Variants in TMEM132C observed in about 807,000 individuals in gnomAD.
TMEM132C encodes the protein transmembrane protein 132C, also known as protein phosphatase 1, regulatory subunit 152.
In TMEM132C, 29 loss-of-function variants were observed where a neutral mutation model predicts 61.4. The ratio of observed to expected loss-of-function variants is 0.47; its 90% CI spans 0.35 to 0.64. The LOEUF (loss-of-function observed/expected upper bound fraction) is 0.64, where lower values mean the gene tolerates loss of function less well. TMEM132C is among the 30% of genes least tolerant of loss of function. TMEM132C has a pLI of 0.00. For missense variants in TMEM132C, 1,408 were observed against 1,476.9 expected (o/e 0.95, Z 0.76); for synonymous variants, 656 against 633.1 (o/e 1.04, Z -0.54).
chr12:128,704,956 C>A (rs1200784303), intron 8 of TMEM132C, 134 bp from the exon 9 acceptor site: 7 of 950,500 alleles, frequency 7.4e-6, no homozygotes, highest in African/African-American at 3.3e-5. Flanking sequence ...TGTATGATTT[C>A]TCCCCAGATG....
chr12:128,465,939 C>T (rs534479354), intron 2 of TMEM132C, among the ~76,000 whole-genome samples: 8 of 151,902 alleles, frequency 5.3e-5, no homozygotes, highest in Admixed American at 1.3e-4. Flanking sequence ...TAAGGGAAGG[C>T]GAGTGAAGCA....
intron 1 of TMEM132C, among the ~76,000 whole-genome samples, chr12:128,341,854 AACTACTCGATAAACCACT>A (rs60139064): frequency 0.027 from 4,105 of 152,260 alleles, 118 homozygotes; most frequent in African/African-American, 0.069. Flanking sequence ...GAAATATCTT[AACTACTCGATAAACCACT>A]GGTGATTTGA....
intron 2 of TMEM132C, among the ~76,000 whole-genome samples, chr12:128,529,227 G>C (rs140498426): frequency 6.6e-6 from 1 of 151,770 alleles, no homozygotes; most frequent in Non-Finnish European, 1.5e-5. Context: ...TCAGGACTCA[G>C]TGTATGATGC....
intron 2 of TMEM132C, among the ~76,000 whole-genome samples, chr12:128,487,866 T>C (rs1195296447): frequency 1.3e-5 from 2 of 152,134 alleles, no homozygotes; most frequent in African/African-American, 4.8e-5. Flanking sequence ...GGCCTCATTC[T>C]CTAGATCTGC....
chr12:128,523,693 A>G (rs1352122224), intron 2 of TMEM132C, among the ~76,000 whole-genome samples: 1 of 152,086 alleles, frequency 6.6e-6, no homozygotes, highest in Non-Finnish European at 1.5e-5. Flanking sequence ...CTGTAAAAAA[A>G]TAAACAAAAC....
chr12:128,439,573 T>G (rs1243644345), intron 2 of TMEM132C, among the ~76,000 whole-genome samples: 1 of 152,238 alleles, frequency 6.6e-6, no homozygotes, highest in Non-Finnish European at 1.5e-5. Context: ...CAATACTTTA[T>G]ATCTTAGGAA....
intron 1 of TMEM132C, among the ~76,000 whole-genome samples, chr12:128,299,162 A>G (rs1871517019): frequency 6.6e-6 from 1 of 152,086 alleles, no homozygotes; most frequent in African/African-American, 2.4e-5. Context: ...GAAGGTGATA[A>G]ATTTTCTGAA....
chr12:128,674,807 G>A (rs546049109), intron 5 of TMEM132C, among the ~76,000 whole-genome samples: 13 of 152,236 alleles, frequency 8.5e-5, no homozygotes, highest in African/African-American at 2.6e-4. Context: ...CATATTTGTA[G>A]TCTTTTATCC....
At chr12:128,600,196 A>G (rs1292379826) in intron 3 of TMEM132C, among the ~76,000 whole-genome samples, 1 of 152,010 alleles carries the variant, frequency 6.6e-6, no homozygotes, top group African/African-American at 2.4e-5. Context: ...GTTAGCCAGG[A>G]TGGTCTAGAT....
intron 1 of TMEM132C, among the ~76,000 whole-genome samples, chr12:128,338,876 C>G (rs2135951724): frequency 6.6e-6 from 1 of 151,512 alleles, no homozygotes; most frequent in African/African-American, 2.4e-5. Flanking sequence ...GCCCAGGCTC[C>G]CCTTAGAAGT....
chr12:128,284,372 A>G (rs566379676), intron 1 of TMEM132C, among the ~76,000 whole-genome samples: 17 of 152,212 alleles, frequency 1.1e-4, no homozygotes, highest in Non-Finnish European at 2.1e-4. Context: ...AGATAAGCAC[A>G]TTTGTTAGTC....
At chr12:128,614,606 G>A (rs907489081) in intron 3 of TMEM132C, among the ~76,000 whole-genome samples, 1 of 152,212 alleles carries the variant, frequency 6.6e-6, no homozygotes, top group African/African-American at 2.4e-5. Flanking sequence ...GTGGTTGTGG[G>A]CAAGCCATCT....
At chr12:128,276,724 G>C (rs779599790) in intron 1 of TMEM132C, among the ~76,000 whole-genome samples, 1 of 152,080 alleles carries the variant, frequency 6.6e-6, no homozygotes, top group Non-Finnish European at 1.5e-5. Context: ...CTGTCTCTGC[G>C]GACCCAGATG....
chr12:128,423,671 T>C (rs1038949426), intron 2 of TMEM132C, among the ~76,000 whole-genome samples: 1 of 151,666 alleles, frequency 6.6e-6, no homozygotes, highest in African/African-American at 2.4e-5. Flanking sequence ...GGAGTTCAAG[T>C]CCAGCCTGGG....
Position 128,658,403 on chromosome 12 carries a change from A to G in TMEM132C, c.1306-11014A>G, listed in dbSNP as rs1285395338. Among the ~76,000 whole-genome samples, 3 of 152,318 alleles carry G rather than the reference A, an allele frequency of 2.0e-5. 1 individual carries two copies. Among genetic ancestry groups the G allele is most frequent in the Admixed American group, 6.5e-5 (1 of 15,306 alleles). On this transcript the variant is annotated intron_variant, in intron 4 of 8. Coordinates refer to ENST00000435159, the MANE Select transcript of TMEM132C (RefSeq NM_001136103.3). ...CTGCCACATGAGCTATCTCCCCAGA[A>G]CCTGCCACGTGAGCGGTGTGCCTTC...
rs555305205 is a variant in TMEM132C, at chr12:128,278,721, T to C, written c.85+11234T>C. Among the ~76,000 whole-genome samples the C allele has an allele frequency of 1.7e-4, 26 of 151,838 alleles. No homozygotes were observed. Among genetic ancestry groups the C allele is most frequent in the Admixed American group, 1.1e-3 (16 of 15,236 alleles). On this transcript the variant is annotated intron_variant, in intron 1 of 8. Coordinates refer to ENST00000435159, the MANE Select transcript of TMEM132C (RefSeq NM_001136103.3). This position sits in a 1 kb window ranked among gnomAD's most constrained non-coding sequence, Gnocchi z 4.2. ...ACTTGTGTGGGCCACGGTTCCCAGATATTTGTGCAGACTTGATTCTATACG... is the reference window on the plus strand; with the variant it reads ...ACTTGTGTGGGCCACGGTTCCCAGACATTTGTGCAGACTTGATTCTATACG...
At chr12:128,306,456 C>T (rs1389249452) in intron 1 of TMEM132C, among the ~76,000 whole-genome samples, 2 of 152,106 alleles carry the variant, frequency 1.3e-5, no homozygotes, top group African/African-American at 4.8e-5. Context: ...CCCACCTCGG[C>T]CTCCCAAAGT....
At chr12:128,624,204 C>T (rs1240376843) in intron 4 of TMEM132C, among the ~76,000 whole-genome samples, 1 of 152,036 alleles carries the variant, frequency 6.6e-6, no homozygotes, top group Non-Finnish European at 1.5e-5. Flanking sequence ...GCCTGTGTGA[C>T]CTTGGGCAAG....
Position 128,706,446 on chromosome 12 carries a change from G to A in TMEM132C, c.*151G>A, listed in dbSNP as rs370849631. On this transcript the variant is annotated 3_prime_UTR_variant, in exon 9 of 9. Transcript: ENST00000435159. ...GAAAGTTTTGAAGTCAGGAAAAGAC[G>A]TTTTTGTATCAAGGGATTTTTAGCA... 7.1e-5 allele frequency: 74 copies of A among 1,043,136 alleles called. No homozygotes were observed. Among genetic ancestry groups the A allele is most frequent in the African/African-American group, 5.3e-4 (33 of 62,622 alleles). The allele number at this position is 1,043,136 out of a possible 1,614,324, so 64.6% of individuals were successfully genotyped here.
Sources: allele counts gnomAD v4.1 joint callset (sites outside exome capture counted in the v4.1 genomes callset), GRCh38; gene constraint gnomAD v4.1.1; non-coding constraint Gnocchi (gnomAD v3.1); transcripts MANE v1.5; gene names NCBI Gene and HGNC (gene_info 2026-07-23, HGNC 2026-07-21).